DCDC2: variants seen among roughly 807,000 people sequenced by gnomAD.
The protein encoded by DCDC2 is doublecortin domain containing 2, also known as doublecortin domain-containing protein 2.
A neutral mutation model predicts 50.2 loss-of-function variants in DCDC2; 40 were observed. The observed-to-expected ratio is 0.80, with a 90% CI of 0.62 to 1.04. The LOEUF (loss-of-function observed/expected upper bound fraction) is 1.04. DCDC2 is among the 50% of genes least tolerant of loss of function. The pLI is 0.00. For synonymous variants in DCDC2, 234 were observed against 210.6 expected (o/e 1.11, Z -0.96); for missense variants, 570 against 581.9 (o/e 0.98, Z 0.21).
chr6:24,203,624 C>T (rs1348169232), intron 8 of DCDC2, among the ~76,000 whole-genome samples: 2 of 152,038 alleles, frequency 1.3e-5, no homozygotes, highest in Non-Finnish European at 2.9e-5. Context: ...CAACAAAAGC[C>T]GAAATTGACA....
upstream of DCDC2, among the ~76,000 whole-genome samples, chr6:24,360,581 G>A (rs1404169626): frequency 6.6e-6 from 1 of 152,190 alleles, no homozygotes; most frequent in Non-Finnish European, 1.5e-5. Context: ...CCCCAGTAAA[G>A]AGTCGCTTTG....
At chr6:24,254,816 A>G (rs9295620) in intron 7 of DCDC2, among the ~76,000 whole-genome samples, 89,550 of 151,842 alleles carry the variant, frequency 0.59, 28,555 homozygotes, top group East Asian at 0.79. Context: ...CCAAAAATCA[A>G]TGTAATTCAT....
chr6:24,320,360 G>A (rs1256243745), intron 2 of DCDC2, among the ~76,000 whole-genome samples: 2 of 152,134 alleles, frequency 1.3e-5, no homozygotes, highest in South Asian at 2.1e-4. Context: ...TTGAGACAGA[G>A]TCTCACTGTC....
chr6:24,335,912 TACA>T (rs537294827), intron 2 of DCDC2, among the ~76,000 whole-genome samples: 83 of 152,252 alleles, frequency 5.5e-4, no homozygotes, highest in African/African-American at 1.9e-3. Context: ...TTATGGGGAT[TACA>T]ACGAGATTTG....
At chr6:24,191,675 G>A (rs535459962) in intron 8 of DCDC2, among the ~76,000 whole-genome samples, 2 of 152,238 alleles carry the variant, frequency 1.3e-5, no homozygotes, top group East Asian at 3.9e-4. Context: ...CAGCTCTGAT[G>A]GATCATTATG....
chr6:24,201,581 C>G (rs1761588491), intron 8 of DCDC2, among the ~76,000 whole-genome samples: 1 of 152,096 alleles, frequency 6.6e-6, no homozygotes, highest in African/African-American at 2.4e-5. Context: ...CCTAACATCA[C>G]AATTAAAAGA....
intron 7 of DCDC2, among the ~76,000 whole-genome samples, chr6:24,265,240 TACTC>T (rs1217145043): frequency 2.0e-5 from 3 of 152,200 alleles, no homozygotes; most frequent in African/African-American, 7.2e-5. Context: ...TGAAAATACA[TACTC>T]ATCCAATACT....
At chr6:24,368,313 T>C in the DCDC2 span, among the ~76,000 whole-genome samples, 2 of 152,130 alleles carry the variant, frequency 1.3e-5, no homozygotes, top group African/African-American at 2.4e-5. Flanking sequence ...TCTGTAATTA[T>C]TGAAAGGTTC....
At position 24,288,907 on chromosome 6, in the gene DCDC2, C is replaced by T. The variant is rs1265732070; in HGVS notation, c.705-1G>A. ...AGGAGGTAGTGAAGAAGCTTTCTGA[C>T]TGTGGAAACAAATTGCAATTTAGAA... On this transcript the variant is annotated splice_acceptor_variant, in intron 5 of 9. Coordinates refer to ENST00000378454, the MANE Select transcript of DCDC2 (RefSeq NM_016356.5). LOFTEE classifies it high-confidence loss of function. The T allele has an allele frequency of 1.3e-6, 2 of 1,595,460 alleles. No homozygotes were observed. Among genetic ancestry groups the T allele is most frequent in the Non-Finnish European group, 1.7e-6 (2 of 1,174,466 alleles).
At chr6:24,271,519 T>A (rs532689484) in intron 7 of DCDC2, among the ~76,000 whole-genome samples, 5 of 152,194 alleles carry the variant, frequency 3.3e-5, no homozygotes, top group East Asian at 1.9e-4. Flanking sequence ...CCCACCCGAG[T>A]AACTCCAGGT....
chr6:24,358,899 A>AATACAT (rs1760554301), upstream of DCDC2, among the ~76,000 whole-genome samples: 4 of 21,494 alleles, frequency 1.9e-4, no homozygotes, highest in African/African-American at 8.8e-4. Flanking sequence ...TTATATATAT[A>AATACAT]ATATATTATA....
rs764943045 is a variant in DCDC2 at position 24,278,198 on chromosome 6, T to C, written c.773A>G (p.His258Arg). 5.0e-6 allele frequency: 8 copies of C among 1,607,648 alleles called. No individual in the cohort carries two copies. In the South Asian group the frequency reaches 7.9e-5, roughly 16 times the overall value. The change falls in exon 7 of 10, where the codon CAC (histidine) becomes CGC (arginine). Residue 258 changes from histidine to arginine, a missense_variant. His to Arg is a conservative substitution (Grantham distance 29). Coordinates refer to ENST00000378454, the MANE Select transcript of DCDC2 (RefSeq NM_016356.5). ...ACTGGATCCAACTGTTGACTTAGAG[T>C]GGCGATCATTTCCCTAAATGGCAAA... ...RKSKGSGNDR[H>R]SKSTVGSSDN...
intron 2 of DCDC2, among the ~76,000 whole-genome samples, chr6:24,327,223 CG>C (rs1561776183): frequency 6.7e-6 from 1 of 149,576 alleles, no homozygotes; most frequent in African/African-American, 2.4e-5. Context: ...ACTGAGGCCA[CG>C]GGCCACCCAG....
At chr6:24,285,673 T>A (rs1262650961) in intron 6 of DCDC2, among the ~76,000 whole-genome samples, 1 of 152,210 alleles carries the variant, frequency 6.6e-6, no homozygotes, top group Non-Finnish European at 1.5e-5. Context: ...GAAATAAAAA[T>A]TGCATGTGTG....
chr6:24,178,360 C>T lies in DCDC2; in HGVS notation c.1296G>A (p.Lys432=). ...CTTGTCCACTGCCAGCTCCTTGAGA[C>T]TTTCTTTCCTTGTCTAGGACCAGTT... ...ELQLVLDKER[K]SQGAGSGQDE... The change falls in exon 9 of 10, where the codon AAG becomes AAA. Residue 432 remains lysine (K), a synonymous_variant. Coordinates refer to ENST00000378454, the MANE Select transcript of DCDC2 (RefSeq NM_016356.5). 6.2e-7 allele frequency: 1 copy of T among 1,613,988 alleles called. No individual in the cohort carries two copies. The highest frequency in any genetic ancestry group is 8.5e-7 in the Non-Finnish European group (1 of 1,179,890).
In DCDC2 at chr6:24,288,786, A is replaced by C. The variant is rs1487839506; in HGVS notation, c.759+66T>G. On this transcript the variant is annotated intron_variant, in intron 6 of 9. Transcript: ENST00000378454. ...ATCTCTTGGAACTTAATTGAAGCCC[A>C]AAGGACAGTCTCTTTGTATCATATA... The C allele has an allele frequency of 3.4e-6, 5 of 1,462,758 alleles. No homozygotes were observed. In the African/African-American group the frequency reaches 7.0e-5, roughly 20 times the overall value. 90.6% of individuals were successfully genotyped at this position (1,462,758 alleles called of 1,614,324 possible).
At chr6:24,305,710 C>G (rs1446063994) in intron 2 of DCDC2, among the ~76,000 whole-genome samples, 2 of 152,114 alleles carry the variant, frequency 1.3e-5, no homozygotes, top group Non-Finnish European at 1.5e-5. Context: ...AGCCCATACA[C>G]TTCCCCTTGC....
At chr6:24,223,511 T>C (rs1177549515) in intron 7 of DCDC2, among the ~76,000 whole-genome samples, 3 of 152,230 alleles carry the variant, frequency 2.0e-5, no homozygotes, top group African/African-American at 7.2e-5. Context: ...GCAACAATTT[T>C]ACTTTAACTT....
chr6:24,198,022 T>TCACA (rs976316277), intron 8 of DCDC2, among the ~76,000 whole-genome samples: 1 of 151,938 alleles, frequency 6.6e-6, no homozygotes, highest in East Asian at 1.9e-4. Flanking sequence ...ACGTATATAC[T>TCACA]CACACACACA....
Sources: allele counts gnomAD v4.1 joint callset (sites outside exome capture counted in the v4.1 genomes callset), GRCh38; gene constraint gnomAD v4.1.1; transcripts MANE v1.5; gene names NCBI Gene and HGNC (gene_info 2026-07-23, HGNC 2026-07-21).